ANKRD17: variants seen among roughly 807,000 people sequenced by gnomAD.
ANKRD17 encodes the protein ankyrin repeat domain-containing protein 17.
In ANKRD17, 19 loss-of-function variants were observed where a neutral mutation model predicts 229.7. That is an observed-to-expected ratio of 0.08 (90% CI 0.06 to 0.12). The LOEUF is 0.12. Among genes scored for constraint, ANKRD17 ranks in the 10% least tolerant of loss-of-function variants. The pLI, the probability that ANKRD17 is intolerant of heterozygous loss-of-function variation, is 1.00. For synonymous variants in ANKRD17, 1,112 were observed against 1,146.1 expected, an observed-to-expected ratio of 0.97 and a Z score of 0.60; for missense variants, 2,176 against 3,176.8, an observed-to-expected ratio of 0.68 and a Z score of 7.57.
chr4:73,097,061 T>C (rs988143947), intron 27 of ANKRD17, 56 bp downstream of exon 27: 10 of 1,542,738 alleles, frequency 6.5e-6, no homozygotes, highest in Admixed American at 2.1e-5. Flanking sequence ...ATAAGGTAGA[T>C]AACACTTGAC....
intron 1 of ANKRD17, among the ~76,000 whole-genome samples, chr4:73,199,553 C>T (rs571277103): frequency 6.6e-6 from 1 of 152,274 alleles, no homozygotes; most frequent in East Asian, 1.9e-4. Flanking sequence ...CTTCAAATGG[C>T]TAGCTGCTTC....
At chr4:73,161,094 G>A in intron 3 of ANKRD17, 98 bp downstream of exon 3, 1 of 1,442,180 alleles carries the variant, frequency 6.9e-7, no homozygotes, top group Non-Finnish European at 9.4e-7. Context: ...TTAGCACAGT[G>A]CCAGCCAGGC....
chr4:73,080,837 C>T (rs1721491183), intron 30 of ANKRD17: 1 of 152,226 alleles, frequency 6.6e-6, no homozygotes, highest in Admixed American at 6.5e-5. Context: ...GACGGTCTCA[C>T]TATGATGCCC....
intron 1 of ANKRD17, among the ~76,000 whole-genome samples, chr4:73,232,868 C>T (rs1007039758): frequency 1.1e-4 from 16 of 151,996 alleles, no homozygotes; most frequent in Admixed American, 7.2e-4. Flanking sequence ...GGATTACAGG[C>T]GCAGCTACCA....
At chr4:73,162,962 T>G (rs1313270987) in intron 2 of ANKRD17, among the ~76,000 whole-genome samples, 14 of 151,826 alleles carry the variant, frequency 9.2e-5, no homozygotes, top group Non-Finnish European at 2.1e-4. Flanking sequence ...CGGGCTCAAG[T>G]GATCCCCCAC....
At chr4:73,113,729 C>A in intron 24 of ANKRD17, 63 bp downstream of exon 24, 1 of 1,217,896 alleles carries the variant, frequency 8.2e-7, no homozygotes. Flanking sequence ...GATTACAAAT[C>A]AAAAGAAGAG....
At chr4:73,142,585 T>C (rs1729750041) in intron 12 of ANKRD17, 55 bp downstream of exon 12, 2 of 1,612,384 alleles carry the variant, frequency 1.2e-6, no homozygotes, top group African/African-American at 1.3e-5. Flanking sequence ...GTTGTAACAA[T>C]GACCAAGAGA....
chr4:73,244,566 G>C (rs1744322981), intron 1 of ANKRD17, among the ~76,000 whole-genome samples: 1 of 152,144 alleles, frequency 6.6e-6, no homozygotes, highest in Non-Finnish European at 1.5e-5. Flanking sequence ...TTAAGGGATG[G>C]TGTATCAAGT....
chr4:73,105,687 T>C (rs940402999), intron 24 of ANKRD17, among the ~76,000 whole-genome samples: 8 of 152,218 alleles, frequency 5.3e-5, no homozygotes, highest in African/African-American at 9.6e-5. Context: ...AGTTAGTTTA[T>C]TGGAGAAGGA....
intron 1 of ANKRD17, among the ~76,000 whole-genome samples, chr4:73,224,478 T>C (rs748922071): frequency 1.3e-5 from 2 of 152,188 alleles, no homozygotes; most frequent in East Asian, 3.9e-4. Flanking sequence ...TAACAGTTTA[T>C]ATGAAGATTA....
At chr4:73,139,325 T>C (rs1729317724) in intron 15 of ANKRD17, among the ~76,000 whole-genome samples, 1 of 152,212 alleles carries the variant, frequency 6.6e-6, no homozygotes, top group African/African-American at 2.4e-5. Flanking sequence ...GCCAGAAAGC[T>C]TCAGTCATTT....
At chr4:73,230,149 C>T (rs968511658) in intron 1 of ANKRD17, among the ~76,000 whole-genome samples, 4 of 151,784 alleles carry the variant, frequency 2.6e-5, no homozygotes, top group Admixed American at 6.6e-5. Context: ...GAACATGCTT[C>T]GAGAAATGTA....
chr4:73,145,906 C>T (rs1730221510), intron 10 of ANKRD17, among the ~76,000 whole-genome samples: 1 of 151,834 alleles, frequency 6.6e-6, no homozygotes, highest in African/African-American at 2.4e-5. Context: ...TGAAGGGGGG[C>T]TTGTTGCTGC....
intron 24 of ANKRD17, among the ~76,000 whole-genome samples, chr4:73,105,010 C>T (rs1482955467): frequency 6.6e-6 from 1 of 151,996 alleles, no homozygotes; most frequent in East Asian, 1.9e-4. Context: ...TAAGTATTTG[C>T]TCGTTTCTAA....
Position 73,092,205 on chromosome 4 carries a change from C to T in ANKRD17, c.5423G>A (p.Arg1808His), listed in dbSNP as rs745658828. 7 of 1,614,064 alleles carry T rather than the reference C, an allele frequency of 4.3e-6. No individual in the cohort carries two copies. In the Admixed American group the frequency reaches 6.7e-5, roughly 15 times the overall value. ...GGAATTTGCTGAGGAGCTTTTCAAA[C>T]GATTCTTTGGAATAAGTTCATCAAT... ...KEIDELIPKN[R>H]LKSSSANSKI... Residue 1808 changes from arginine to histidine, a missense_variant, in exon 29 of 34, where the codon CGT (arginine) becomes CAT (histidine). By Grantham distance (29) the Arg-to-His change is conservative. Around this residue, in one of 18 missense-constraint regions of ANKRD17, gnomAD observed 142 missense variants for 200.4 expected, o/e 0.71. Transcript: ENST00000358602.
chr4:73,156,215 A>T (rs759959236), intron 3 of ANKRD17, 49 bp from the exon 4 acceptor site: 5 of 1,529,908 alleles, frequency 3.3e-6, no homozygotes, highest in Non-Finnish European at 4.4e-6. Flanking sequence ...ATATTAAAAA[A>T]TTGCACAGCA....
At chr4:73,161,152 G>A (rs1732478619) in intron 3 of ANKRD17, 40 bp downstream of exon 3, 1 of 1,599,556 alleles carries the variant, frequency 6.3e-7, no homozygotes, top group African/African-American at 1.3e-5. Flanking sequence ...TTATTTTTAA[G>A]AAAATGATTT....
intron 1 of ANKRD17, among the ~76,000 whole-genome samples, chr4:73,205,144 C>A (rs1739274533): frequency 6.6e-6 from 1 of 151,978 alleles, no homozygotes; most frequent in Non-Finnish European, 1.5e-5. Context: ...CAAGACACCA[C>A]CTCTACAATA....
intron 2 of ANKRD17, among the ~76,000 whole-genome samples, chr4:73,166,449 A>G (rs1439280703): frequency 6.6e-6 from 1 of 152,228 alleles, no homozygotes; most frequent in Non-Finnish European, 1.5e-5. Flanking sequence ...ACTATCAAGT[A>G]TGAGGATAGT....
Sources: gnomAD v4.1 joint callset for allele counts (sites outside exome capture counted in the v4.1 genomes callset) on GRCh38, gnomAD v4.1.1 for gene constraint, gnomAD v4.1.1 regional missense constraint, MANE v1.5 for transcripts, NCBI Gene and HGNC (gene_info 2026-07-23, HGNC 2026-07-21) for gene names.